BNC2: variants seen among roughly 807,000 people sequenced by gnomAD.
BNC2 encodes the protein zinc finger protein basonuclin-2.
Under a neutral mutation model 76.3 loss-of-function variants are expected in BNC2, and 20 were observed. That is an observed-to-expected ratio of 0.26 (90% CI 0.18 to 0.38). The LOEUF is 0.38. Among genes scored for constraint, BNC2 ranks in the 10% least tolerant of loss-of-function variants. The probability of loss-of-function intolerance (pLI) is 1.00; values close to 1 mark genes in which losing one functional copy is unlikely to be tolerated. For synonymous variants in BNC2, 582 were observed against 514.8 expected (o/e 1.13, Z -1.77); for missense variants, 1,382 against 1,399.8 (o/e 0.99, Z 0.20).
At chr9:16,735,137 A>G (rs1417835978) in intron 2 of BNC2, among the ~76,000 whole-genome samples, 1 of 152,226 alleles carries the variant, frequency 6.6e-6, no homozygotes, top group Non-Finnish European at 1.5e-5. Context: ...TAGTTTACAA[A>G]ATGTTAGGGA....
At chr9:16,470,358 G>A (rs1821796833) in intron 5 of BNC2, among the ~76,000 whole-genome samples, 1 of 152,190 alleles carries the variant, frequency 6.6e-6, no homozygotes, top group African/African-American at 2.4e-5. Flanking sequence ...GGCTGACTAT[G>A]TGATAGAAAA....
chr9:16,456,346 A>C (rs1421008410), intron 5 of BNC2, among the ~76,000 whole-genome samples: 3 of 152,018 alleles, frequency 2.0e-5, no homozygotes, highest in Non-Finnish European at 4.4e-5. Flanking sequence ...CTTTGGAGTA[A>C]GGCATGAAGG....
At chr9:16,676,174 T>A (rs1037798393) in intron 3 of BNC2, among the ~76,000 whole-genome samples, 3 of 152,226 alleles carry the variant, frequency 2.0e-5, no homozygotes, top group African/African-American at 7.2e-5. Flanking sequence ...CAAAAGAATT[T>A]TTCTTTTTCT....
intron 5 of BNC2, among the ~76,000 whole-genome samples, chr9:16,495,704 T>C (rs1480189379): frequency 2.0e-5 from 3 of 152,168 alleles, no homozygotes; most frequent in Non-Finnish European, 4.4e-5. Context: ...ATGAGCTTGC[T>C]AGGGCCCAGT....
At chr9:16,812,538 G>A (rs535373325) in intron 1 of BNC2, among the ~76,000 whole-genome samples, 25 of 152,196 alleles carry the variant, frequency 1.6e-4, no homozygotes, top group Non-Finnish European at 3.2e-4. Flanking sequence ...CACAGGCAGA[G>A]ATGCAATTGA....
rs190610103 is a variant in BNC2, at chr9:16,835,432, C to T, written c.3+35214G>A. 3.9e-5 allele frequency among the ~76,000 whole-genome samples: 6 copies of T among 152,332 alleles called. No individual in the cohort carries two copies. The East Asian group carries it at 1.2e-3, about 29-fold the overall frequency. On this transcript the variant is annotated intron_variant, in intron 1 of 6. Transcript: ENST00000380672. The stretch of plus-strand genomic sequence containing the variant: ...TTGTGTACTTGGCCAGGCATGGTGG[C>T]TCATGCCTGTAATCCCAGCACTTTG...
chr9:16,860,871 C>A (rs139770963), intron 1 of BNC2, among the ~76,000 whole-genome samples: 26 of 151,748 alleles, frequency 1.7e-4, no homozygotes, highest in African/African-American at 5.1e-4. Flanking sequence ...CATAGAGAAA[C>A]CCTATCTCCA....
At chr9:16,560,064 AT>A (rs1818962615) in intron 4 of BNC2, among the ~76,000 whole-genome samples, 1 of 152,356 alleles carries the variant, frequency 6.6e-6, no homozygotes, top group East Asian at 1.9e-4. Context: ...ATTCTCACTC[AT>A]TGTGTGCATC....
chr9:16,566,030 G>A (rs1445155336), intron 4 of BNC2, among the ~76,000 whole-genome samples: 2 of 152,046 alleles, frequency 1.3e-5, no homozygotes, highest in Non-Finnish European at 2.9e-5. Flanking sequence ...TACTTTCAAC[G>A]CTGTTCAAGT....
intron 5 of BNC2, among the ~76,000 whole-genome samples, chr9:16,464,094 C>CAA (rs1324549679): frequency 9.3e-4 from 32 of 34,542 alleles, no homozygotes; most frequent in East Asian, 6.5e-3. Flanking sequence ...ACCCTGTCTC[C>CAA]AAAAAAAAAA....
chr9:16,613,019 G>T (rs1820593676), intron 3 of BNC2, among the ~76,000 whole-genome samples: 1 of 152,190 alleles, frequency 6.6e-6, no homozygotes, highest in South Asian at 2.1e-4. Flanking sequence ...CAATGGTACG[G>T]AGGTAAAGCA....
At chr9:16,669,218 T>A (rs925541591) in intron 3 of BNC2, among the ~76,000 whole-genome samples, 1 of 152,206 alleles carries the variant, frequency 6.6e-6, no homozygotes, top group Non-Finnish European at 1.5e-5. Flanking sequence ...AACTGCCATA[T>A]ATTGAAAGTG....
intron 1 of BNC2, among the ~76,000 whole-genome samples, chr9:16,768,124 C>A (rs1412911976): frequency 6.6e-6 from 1 of 151,976 alleles, no homozygotes; most frequent in Non-Finnish European, 1.5e-5. Flanking sequence ...CACCACCACG[C>A]CTGGCTAATT....
At chr9:16,510,537 C>T (rs922572160) in intron 5 of BNC2, among the ~76,000 whole-genome samples, 2 of 152,238 alleles carry the variant, frequency 1.3e-5, no homozygotes, top group Admixed American at 6.5e-5. Context: ...CAAGTCCCGA[C>T]ATAGCTACAT....
chr9:16,781,121 T>G (rs1221883137), intron 1 of BNC2, among the ~76,000 whole-genome samples: 2 of 152,148 alleles, frequency 1.3e-5, no homozygotes, highest in Non-Finnish European at 2.9e-5. Context: ...CATGTTTTTA[T>G]TAATGCAAAA....
intron 4 of BNC2, among the ~76,000 whole-genome samples, chr9:16,564,895 T>A (rs1479193144): frequency 6.6e-6 from 1 of 152,146 alleles, no homozygotes; most frequent in African/African-American, 2.4e-5. Context: ...GGTGGCGGTG[T>A]TGTCTCCCTT....
chr9:16,450,264 G>A (rs1485088097), intron 5 of BNC2, among the ~76,000 whole-genome samples: 1 of 152,092 alleles, frequency 6.6e-6, no homozygotes, highest in Non-Finnish European at 1.5e-5. Context: ...GGGAAAATTA[G>A]GACAAAATGA....
intron 5 of BNC2, among the ~76,000 whole-genome samples, chr9:16,535,895 C>G (rs1298334553): frequency 2.0e-5 from 3 of 152,152 alleles, no homozygotes; most frequent in Non-Finnish European, 4.4e-5. Context: ...CTACAACTAT[C>G]TGCAGGTGAA....
At position 16,758,065 on chromosome 9, in the gene BNC2, A is replaced by G. The variant is rs1209894422; in HGVS notation, c.4-19580T>C. ...CAAGATATCAGCAGGGCTGCCATCC[A>G]TTTAAGAGACTCAAAAGCAGAATCT... is the stretch of plus-strand genomic sequence containing the variant. On this transcript the variant is annotated intron_variant, in intron 1 of 6. Transcript: ENST00000380672. 2.6e-5 allele frequency among the ~76,000 whole-genome samples: 4 copies of G among 152,198 alleles called. No homozygotes were observed. In the East Asian group the frequency reaches 7.7e-4, roughly 29 times the overall value.
Sources: gnomAD v4.1 joint callset for allele counts (sites outside exome capture counted in the v4.1 genomes callset) on GRCh38, gnomAD v4.1.1 for gene constraint, MANE v1.5 for transcripts, NCBI Gene and HGNC (gene_info 2026-07-23, HGNC 2026-07-21) for gene names.